CDKL3: variants seen among roughly 807,000 people sequenced by gnomAD.
CDKL3 encodes cyclin dependent kinase like 3, also known as cyclin-dependent kinase-like 3.
Under a neutral mutation model 69.3 loss-of-function variants are expected in CDKL3, and 65 were observed. The ratio of observed to expected loss-of-function variants is 0.94; its 90% CI spans 0.77 to 1.15. The LOEUF (loss-of-function observed/expected upper bound fraction) is 1.15, where lower values mean the gene tolerates loss of function less well. CDKL3 is among the 50% of genes most tolerant of loss of function. The pLI is 0.00. For missense variants in CDKL3, 652 were observed against 689.2 expected, an observed-to-expected ratio of 0.95 and a Z score of 0.61; for synonymous variants, 202 against 221.6, an observed-to-expected ratio of 0.91 and a Z score of 0.79.
At chr5:134,347,362 A>G (rs1752158537) in intron 4 of CDKL3, among the ~76,000 whole-genome samples, 1 of 152,234 alleles carries the variant, frequency 6.6e-6, no homozygotes, top group Admixed American at 6.5e-5. Context: ...GACTAAACAT[A>G]GAGTTACTGT....
chr5:134,364,719 G>A (rs992726635), intron 2 of CDKL3, among the ~76,000 whole-genome samples: 1 of 151,736 alleles, frequency 6.6e-6, no homozygotes, highest in South Asian at 2.1e-4. Context: ...CACTACATTG[G>A]CCAGGCTGGT....
At chr5:134,317,579 A>T (rs1771492436) in intron 6 of CDKL3, among the ~76,000 whole-genome samples, 1 of 152,180 alleles carries the variant, frequency 6.6e-6, no homozygotes, top group Non-Finnish European at 1.5e-5. Context: ...AGCAACGATC[A>T]CACCATTGCA....
chr5:134,290,630 C>A (rs1765087483), intron 8 of CDKL3, among the ~76,000 whole-genome samples: 1 of 151,828 alleles, frequency 6.6e-6, no homozygotes, highest in Non-Finnish European at 1.5e-5. Flanking sequence ...ATGTCTGTGG[C>A]TTTTACTCTG....
chr5:134,317,366 C>G (rs1771401812), intron 6 of CDKL3, among the ~76,000 whole-genome samples: 1 of 152,118 alleles, frequency 6.6e-6, no homozygotes, highest in Non-Finnish European at 1.5e-5. Flanking sequence ...GAACTCCTGA[C>G]CTCAGGTGAT....
chr5:134,292,146 T>C (rs1765149112), intron 8 of CDKL3, among the ~76,000 whole-genome samples: 1 of 152,176 alleles, frequency 6.6e-6, no homozygotes, highest in South Asian at 2.1e-4. Flanking sequence ...ATTTATGGAA[T>C]GCTACACCCA....
intron 2 of CDKL3, 123 bp from the exon 3 acceptor site, chr5:134,360,214 T>C (rs1755678198): frequency 9.3e-6 from 7 of 753,614 alleles, no homozygotes; most frequent in Non-Finnish European, 1.5e-5. Flanking sequence ...ATTTCTTTTT[T>C]CTTTTTTTTG....
intron 4 of CDKL3, among the ~76,000 whole-genome samples, chr5:134,339,046 C>T (rs1749771427): frequency 1.3e-5 from 2 of 151,748 alleles, no homozygotes; most frequent in Admixed American, 1.3e-4. Context: ...CCCAGCTATT[C>T]AGGAGGGTGA....
At chr5:134,334,707 T>A (rs553053570) in intron 4 of CDKL3, among the ~76,000 whole-genome samples, 1 of 152,344 alleles carries the variant, frequency 6.6e-6, no homozygotes, top group South Asian at 2.1e-4. Context: ...TTCTTTTACA[T>A]TTGCTGAGGA....
At chr5:134,283,841 T>C (rs948911855), downstream of CDKL3, among the ~76,000 whole-genome samples, 4 of 152,176 alleles carry the variant, frequency 2.6e-5, no homozygotes, top group Admixed American at 6.5e-5. Flanking sequence ...ATTTACTTCC[T>C]AGATACAATG....
At chr5:134,306,992 T>C (rs1291784256) in intron 9 of CDKL3, among the ~76,000 whole-genome samples, 2 of 152,194 alleles carry the variant, frequency 1.3e-5, no homozygotes, top group East Asian at 3.9e-4. Context: ...TGAGCTAAAG[T>C]GATACACTCG....
chr5:134,298,678 C>T lies in CDKL3; in HGVS notation c.1752G>A (p.Leu584=), dbSNP rs780166370. The T allele has an allele frequency of 6.2e-7, 1 of 1,613,164 alleles. No individual in the cohort carries two copies. The highest frequency in any genetic ancestry group is 8.5e-7 in the Non-Finnish European group (1 of 1,179,480). The change falls in exon 13 of 13, where the codon TTG becomes TTA. Residue 584 remains leucine (L), a synonymous_variant. Coordinates refer to ENST00000265334, the MANE Select transcript of CDKL3 (RefSeq NM_001113575.2). ...GGDGHCEGKN[L]KRNRFFFW is the part of the protein sequence containing the mutation. ...ACCAGAAAAAAAACCTGTTTCTCTT[C>T]AAATTCTTCCCCTCGCAATGGCCAT... is the stretch of plus-strand genomic sequence containing the variant.
upstream of CDKL3, chr5:134,371,445 G>A: frequency 1.0e-6 from 1 of 982,568 alleles, no homozygotes; most frequent in Non-Finnish European, 1.5e-6. Context: ...GGCGGAGGGA[G>A]ACGTCATTGC....
At chr5:134,350,870 AAG>A (rs1753131315) in intron 3 of CDKL3, among the ~76,000 whole-genome samples, 1 of 151,964 alleles carries the variant, frequency 6.6e-6, no homozygotes, top group African/African-American at 2.4e-5. Context: ...AAAAGAAAGA[AAG>A]AAAAATAACT....
chr5:134,315,455 C>G (rs924876057), intron 6 of CDKL3, among the ~76,000 whole-genome samples: 1 of 152,078 alleles, frequency 6.6e-6, no homozygotes, highest in African/African-American at 2.4e-5. Context: ...CCTCAGCCTC[C>G]CAAATAGCTA....
At chr5:134,303,940 T>C (rs1767055958) in intron 11 of CDKL3, among the ~76,000 whole-genome samples, 1 of 151,978 alleles carries the variant, frequency 6.6e-6, no homozygotes, top group South Asian at 2.1e-4. Flanking sequence ...AAAAAAAATT[T>C]TTTTTTTTTA....
intron 4 of CDKL3, among the ~76,000 whole-genome samples, chr5:134,329,232 G>A (rs1455192659): frequency 6.6e-6 from 1 of 152,066 alleles, no homozygotes; most frequent in Non-Finnish European, 1.5e-5. Flanking sequence ...CAACTATTTG[G>A]GAGGCTGAAG....
chr5:134,297,888 GTT>G (rs1383399888), downstream of CDKL3, among the ~76,000 whole-genome samples: 21 of 106,590 alleles, frequency 2.0e-4, no homozygotes, highest in South Asian at 3.9e-3. Context: ...ACCATGAATA[GTT>G]TGTGTGTGTG....
chr5:134,313,231 T>C (rs1163570164), intron 6 of CDKL3, among the ~76,000 whole-genome samples: 1 of 152,162 alleles, frequency 6.6e-6, no homozygotes, highest in Non-Finnish European at 1.5e-5. Flanking sequence ...TTTAAAATTT[T>C]TTAGAGACAG....
At chr5:134,311,569 G>T (rs574675290) in intron 7 of CDKL3, among the ~76,000 whole-genome samples, 1 of 152,096 alleles carries the variant, frequency 6.6e-6, no homozygotes, top group South Asian at 2.1e-4. Flanking sequence ...TTTGGGAAGT[G>T]CATGCTAATT....
Sources: gnomAD v4.1 joint callset for allele counts (sites outside exome capture counted in the v4.1 genomes callset) on GRCh38, gnomAD v4.1.1 for gene constraint, MANE v1.5 for transcripts, NCBI Gene and HGNC (gene_info 2026-07-23, HGNC 2026-07-21) for gene names.